The following RBM33 variants were observed in gnomAD, a reference collection of about 807,000 sequenced individuals.
RBM33 encodes the protein RNA binding motif protein 33.
RBM33 carries 28 observed loss-of-function variants against 132.6 expected under a neutral mutation model. The observed-to-expected ratio is 0.21, with a 90% CI of 0.16 to 0.29. The LOEUF (loss-of-function observed/expected upper bound fraction) is 0.29, where lower values mean the gene tolerates loss of function less well. Ranked by LOEUF, RBM33 falls within the 10% of genes least tolerant of loss-of-function variation. The pLI, the probability that RBM33 is intolerant of heterozygous loss-of-function variation, is 1.00. For synonymous variants in RBM33, 634 were observed against 593.0 expected (o/e 1.07, Z -1.01); for missense variants, 1,291 against 1,518.5 (o/e 0.85, Z 2.49).
chr7:155,660,957 ATC>A (rs1308103836), intron 1 of RBM33, among the ~76,000 whole-genome samples: 1 of 151,542 alleles, frequency 6.6e-6, no homozygotes, highest in Non-Finnish European at 1.5e-5. Context: ...GGATTATGTC[ATC>A]TCTGTTATCT....
At position 155,645,703 on chromosome 7, in the gene RBM33, C is replaced by CT. The variant is rs993074849; in HGVS notation, c.43+789dup. ...AACGTGGAGAGATACTTGAAAGTGA[C>CT]TTTTTAAGTGATTATTTTGAAAACT... On this transcript the variant is annotated intron_variant, in intron 1 of 17. Coordinates refer to ENST00000401878, the MANE Select transcript of RBM33 (RefSeq NM_053043.3). Among the ~76,000 whole-genome samples the CT allele has an allele frequency of 5.3e-5, 8 of 152,202 alleles. 1 individual carries two copies. The highest frequency in any genetic ancestry group is 6.8e-3 in the Middle Eastern group (2 of 294).
intron 5 of RBM33, chr7:155,684,965 A>G (rs1484363215): frequency 2.6e-6 from 4 of 1,550,572 alleles, no homozygotes; most frequent in South Asian, 2.4e-5. Flanking sequence ...ATGGTGGGCA[A>G]CAAGGGCTGC....
intron 2 of RBM33, among the ~76,000 whole-genome samples, chr7:155,670,994 C>CTTTTTTTGACTT (rs574572859): frequency 0.022 from 3,311 of 152,230 alleles, 126 homozygotes; most frequent in African/African-American, 0.075. Context: ...TTACTAATGC[C>CTTTTTTTGACTT]TGTTTTTATG....
At chr7:155,748,713 G>T (rs139085646) in intron 14 of RBM33, among the ~76,000 whole-genome samples, 118 of 151,906 alleles carry the variant, frequency 7.8e-4, no homozygotes, top group African/African-American at 2.7e-3. Flanking sequence ...CGCCTTTCAG[G>T]TGATTTTCCT....
intron 9 of RBM33, among the ~76,000 whole-genome samples, chr7:155,727,958 T>C (rs1317333211): frequency 6.6e-6 from 1 of 152,118 alleles, no homozygotes; most frequent in Non-Finnish European, 1.5e-5. Context: ...TTTGTAGAGA[T>C]AGGGTTTCAT....
At chr7:155,707,967 TC>T (rs1187382683) in intron 7 of RBM33, among the ~76,000 whole-genome samples, 1 of 152,214 alleles carries the variant, frequency 6.6e-6, no homozygotes, top group Non-Finnish European at 1.5e-5. Context: ...ACCTATTCTT[TC>T]ATTTAAGTTT....
intron 2 of RBM33, among the ~76,000 whole-genome samples, chr7:155,667,013 A>G (rs893325643): frequency 5.9e-5 from 9 of 152,174 alleles, no homozygotes; most frequent in African/African-American, 1.2e-4. Flanking sequence ...TCTTACACTC[A>G]TGAACTGCTT....
At chr7:155,726,360 CG>C (rs1473082713) in intron 9 of RBM33, among the ~76,000 whole-genome samples, 6 of 149,316 alleles carry the variant, frequency 4.0e-5, no homozygotes, top group African/African-American at 1.2e-4. Context: ...AGTTTTTCAT[CG>C]TTTTTTTTTT....
chr7:155,714,665 A>C (rs1160276627), intron 8 of RBM33, among the ~76,000 whole-genome samples: 1 of 152,166 alleles, frequency 6.6e-6, no homozygotes. Flanking sequence ...GCTGCCACTC[A>C]GAGGGGCCAT....
At chr7:155,702,264 C>G (rs905134673) in intron 6 of RBM33, among the ~76,000 whole-genome samples, 1 of 152,156 alleles carries the variant, frequency 6.6e-6, no homozygotes, top group African/African-American at 2.4e-5. Flanking sequence ...GGACACTAAG[C>G]TTCAAAGATG....
At chr7:155,677,871 A>G (rs1799227455) in intron 3 of RBM33, among the ~76,000 whole-genome samples, 1 of 152,240 alleles carries the variant, frequency 6.6e-6, no homozygotes, top group African/African-American at 2.4e-5. Flanking sequence ...TGAAGGGAGT[A>G]GTAATTTACA....
At chr7:155,655,796 C>G (rs1798477491) in intron 1 of RBM33, among the ~76,000 whole-genome samples, 2 of 152,070 alleles carry the variant, frequency 1.3e-5, no homozygotes. Flanking sequence ...TAGTGTGCAC[C>G]TGTGTTCTCA....
rs1802724463 is a variant in RBM33 at position 155,779,147 on chromosome 7, G to A, written c.*4106G>A. On this transcript the variant is annotated 3_prime_UTR_variant, in exon 18 of 18. Transcript: ENST00000401878. Reference sequence around the variant, plus strand: ...GCCTCAGCTATGGCTTGACGTAATCGCTTTTAGACCCAGGTTGGCTTCCCT... The same window carrying A: ...GCCTCAGCTATGGCTTGACGTAATCACTTTTAGACCCAGGTTGGCTTCCCT... The A allele has an allele frequency of 2.7e-5, 4 of 150,286 alleles. No homozygotes were observed. The South Asian group carries it at 8.5e-4, about 32-fold the overall frequency. The allele number at this position is 150,286 out of a possible 1,614,324, so 9.3% of individuals were successfully genotyped here. A position where few individuals can be genotyped will look rare whatever the true frequency, so the allele number is the denominator to read the frequency against.
chr7:155,742,381 G>A (rs1801378018), intron 13 of RBM33, among the ~76,000 whole-genome samples: 1 of 151,838 alleles, frequency 6.6e-6, no homozygotes. Context: ...TTCTGTAAAG[G>A]GCCCAAATAT....
chr7:155,706,792 G>A (rs1431378139), intron 6 of RBM33, 68 bp from the exon 7 acceptor site: 9 of 1,289,534 alleles, frequency 7.0e-6, no homozygotes, highest in Non-Finnish European at 9.7e-6. Flanking sequence ...ATTCTTTCCT[G>A]TTCTCTCCCT....
intron 9 of RBM33, among the ~76,000 whole-genome samples, chr7:155,732,736 C>T (rs191961529): frequency 2.6e-5 from 4 of 152,262 alleles, no homozygotes; most frequent in South Asian, 2.1e-4. Flanking sequence ...GAAGGAAGTG[C>T]GGCAAGGATG....
intron 7 of RBM33, among the ~76,000 whole-genome samples, chr7:155,710,273 G>T (rs887588542): frequency 6.6e-6 from 1 of 152,210 alleles, no homozygotes; most frequent in African/African-American, 2.4e-5. Flanking sequence ...TGTGGAATCA[G>T]ATGGCCTGAA....
At chr7:155,686,132 A>G (rs1339137180) in intron 5 of RBM33, among the ~76,000 whole-genome samples, 1 of 152,230 alleles carries the variant, frequency 6.6e-6, no homozygotes, top group Non-Finnish European at 1.5e-5. Context: ...ACAGAATAAT[A>G]CAAAGAACTC....
Position 155,739,966 on chromosome 7 carries a change from C to A in RBM33, c.1989C>A (p.Thr663=). The change falls in exon 12 of 18, where the codon ACC becomes ACA. Residue 663 remains threonine, a synonymous_variant. Coordinates refer to ENST00000401878, the MANE Select transcript of RBM33 (RefSeq NM_053043.3). ...CACAGTTCCGGCCTCACGTACAGACCGCTCAGCCTCAGGCCAGCAGCAGCC... is the reference window on the plus strand; with the variant it reads ...CACAGTTCCGGCCTCACGTACAGACAGCTCAGCCTCAGGCCAGCAGCAGCC... ...SQPQFRPHVQ[T]AQPQASSSRM... 1 of 1,563,582 alleles carries A rather than the reference C, an allele frequency of 6.4e-7. No homozygotes were observed. Among genetic ancestry groups the A allele is most frequent in the East Asian group, 2.4e-5 (1 of 42,162 alleles).
Sources: gnomAD v4.1 joint callset for allele counts (sites outside exome capture counted in the v4.1 genomes callset) on GRCh38, gnomAD v4.1.1 for gene constraint, MANE v1.5 for transcripts, NCBI Gene and HGNC (gene_info 2026-07-23, HGNC 2026-07-21) for gene names.